The following SULF2 variants were observed in gnomAD, a reference collection of about 807,000 sequenced individuals.
SULF2 encodes extracellular sulfatase Sulf-2.
Under a neutral mutation model 107.7 loss-of-function variants are expected in SULF2, and 52 were observed. The ratio of observed to expected loss-of-function variants is 0.48; its 90% CI spans 0.39 to 0.61. The LOEUF (loss-of-function observed/expected upper bound fraction) is 0.61, where lower values mean the gene tolerates loss of function less well. Among genes scored for constraint, SULF2 ranks in the 20% least tolerant of loss-of-function variants. The pLI is 0.00. For missense variants in SULF2, 993 were observed against 1,177.3 expected, an observed-to-expected ratio of 0.84 and a Z score of 2.29; for synonymous variants, 460 against 464.3, an observed-to-expected ratio of 0.99 and a Z score of 0.12.
At chr20:47,771,751 A>G (rs1231310095) in intron 1 of SULF2, among the ~76,000 whole-genome samples, 1 of 152,116 alleles carries the variant, frequency 6.6e-6, no homozygotes, top group East Asian at 1.9e-4. Context: ...CAGGCTTCAA[A>G]TGGGGGTGCT....
rs756036273 is a variant in SULF2, at chr20:47,684,421, G to A, written c.888+10C>T. The A allele has an allele frequency of 8.1e-6, 13 of 1,602,964 alleles. No individual in the cohort carries two copies. Among genetic ancestry groups the A allele is most frequent in the Middle Eastern group, 1.7e-4 (1 of 5,982 alleles). On this transcript the variant is annotated intron_variant, in intron 6 of 20. Transcript: ENST00000688720. ...CCACGCCCACCAAGAGGCATGCAGC[G>A]GGCGCCTACCGTCTCCATGGAGTCG...
chr20:47,731,210 T>TTTTTTTTTTTTTTTTTTTTTTTTG (rs1491437167), intron 3 of SULF2, among the ~76,000 whole-genome samples: 2 of 135,712 alleles, frequency 1.5e-5, no homozygotes, highest in African/African-American at 6.2e-5. Flanking sequence ...TTTTTTTTTT[T>TTTTTTTTTTTTTTTTTTTTTTTTG]GAGACAGAGT....
At chr20:47,717,392 C>T (rs1173719182) in intron 3 of SULF2, among the ~76,000 whole-genome samples, 1 of 152,176 alleles carries the variant, frequency 6.6e-6, no homozygotes, top group Non-Finnish European at 1.5e-5. Context: ...CTCCACCTGC[C>T]TTTTGGTGAC....
chr20:47,782,775 CAT>C (rs200486283), intron 1 of SULF2, among the ~76,000 whole-genome samples: 1,772 of 152,286 alleles, frequency 0.012, 44 homozygotes, highest in African/African-American at 0.04. Flanking sequence ...CAGGCAGACA[CAT>C]GTTTTCCTTG....
intron 5 of SULF2, chr20:47,686,213 C>T (rs895965631): frequency 2.0e-5 from 3 of 152,248 alleles, no homozygotes; most frequent in African/African-American, 4.8e-5. Context: ...TCACTCACTC[C>T]GTGAGACAGC....
chr20:47,749,734 G>A (rs1797589627), intron 2 of SULF2, among the ~76,000 whole-genome samples: 1 of 152,222 alleles, frequency 6.6e-6, no homozygotes, highest in African/African-American at 2.4e-5. Context: ...TCAAAAGCCT[G>A]CCTCTCCCAC....
chr20:47,667,868 G>T (rs1275340281), intron 11 of SULF2, among the ~76,000 whole-genome samples: 1 of 152,176 alleles, frequency 6.6e-6, no homozygotes, highest in Non-Finnish European at 1.5e-5. Flanking sequence ...TTCTCACGTG[G>T]CCCGGGTGCC....
intron 10 of SULF2, among the ~76,000 whole-genome samples, chr20:47,675,152 G>A (rs1235778573): frequency 1.3e-5 from 2 of 152,166 alleles, no homozygotes; most frequent in South Asian, 2.1e-4. Flanking sequence ...ACTTGACAAC[G>A]TTCCCTCGTC....
chr20:47,673,301 AG>A (rs1664324681), intron 10 of SULF2, among the ~76,000 whole-genome samples: 1 of 152,182 alleles, frequency 6.6e-6, no homozygotes, highest in Non-Finnish European at 1.5e-5. Context: ...TCCAGCACTT[AG>A]CATGTGCCAA....
At chr20:47,674,013 G>A (rs1051249034) in intron 10 of SULF2, among the ~76,000 whole-genome samples, 10 of 152,226 alleles carry the variant, frequency 6.6e-5, no homozygotes. Context: ...TGAGGGGTCG[G>A]CAAACAGCAG....
chr20:47,741,375 C>T (rs769242542), intron 2 of SULF2, among the ~76,000 whole-genome samples: 3 of 152,082 alleles, frequency 2.0e-5, no homozygotes, highest in East Asian at 1.9e-4. Flanking sequence ...ACCTCTCCCC[C>T]GGAGCCCCGC....
In SULF2 at chr20:47,666,452, C is replaced by G. The variant is rs772061980; in HGVS notation, c.1613G>C (p.Arg538Pro). 2 of 1,613,614 alleles carry G rather than the reference C, an allele frequency of 1.2e-6. No homozygotes were observed. Among genetic ancestry groups the G allele is most frequent in the East Asian group, 4.5e-5 (2 of 44,878 alleles). Residue 538 changes from arginine (R) to proline (P), a missense_variant, in exon 12 of 21, where the codon CGC becomes CCC. By Grantham distance (103) the Arg-to-Pro change is moderately radical. Transcript: ENST00000688720. The surrounding 1 kb of genome is among the most constrained non-coding windows in gnomAD (Gnocchi z 5.4). ...GCCGTCCACCTCGATGGCCACTGAGCGGATGGAGCGACTGCGGACATAGCT... is the reference window on the plus strand; with the variant it reads ...GCCGTCCACCTCGATGGCCACTGAGGGGATGGAGCGACTGCGGACATAGCT... ...KASYVRSRSI[R>P]SVAIEVDGRV... is the part of the protein sequence containing the mutation.
At chr20:47,777,152 TATAAAAC>T (rs1194094700) in intron 1 of SULF2, among the ~76,000 whole-genome samples, 1 of 152,152 alleles carries the variant, frequency 6.6e-6, no homozygotes, top group Non-Finnish European at 1.5e-5. Flanking sequence ...TGATAAGTGT[TATAAAAC>T]ATAAAACAGG....
intron 1 of SULF2, among the ~76,000 whole-genome samples, chr20:47,772,625 T>A (rs1213233411): frequency 6.6e-6 from 1 of 152,042 alleles, no homozygotes; most frequent in African/African-American, 2.4e-5. Flanking sequence ...GGTTTTTACG[T>A]TGGAAATGGC....
rs566181606 is a variant in SULF2, at chr20:47,752,876, G to A, written c.175+4313C>T. ...CAGCATTTTGGGAGGCCGAGGCGGC[G>A]GACTGCTTGAGGTCAGGAGTTCGAG... On this transcript the variant is annotated intron_variant, in intron 2 of 20. Transcript: ENST00000688720. Among the ~76,000 whole-genome samples the A allele has an allele frequency of 6.6e-5, 10 of 152,184 alleles. No homozygotes were observed. In the East Asian group the frequency reaches 1.4e-3, roughly 21 times the overall value.
chr20:47,740,572 C>T (rs895641443), intron 2 of SULF2, among the ~76,000 whole-genome samples: 4 of 152,090 alleles, frequency 2.6e-5, no homozygotes, highest in African/African-American at 7.2e-5. Flanking sequence ...AGATTAATTG[C>T]GTGGCTTGGT....
At chr20:47,719,652 G>C (rs899881965) in intron 3 of SULF2, among the ~76,000 whole-genome samples, 1 of 152,200 alleles carries the variant, frequency 6.6e-6, no homozygotes, top group African/African-American at 2.4e-5. Context: ...AATCCTGGGG[G>C]TATCTGTGGC....
chr20:47,720,162 C>T (rs1164673795), intron 3 of SULF2, among the ~76,000 whole-genome samples: 1 of 152,074 alleles, frequency 6.6e-6, no homozygotes, highest in East Asian at 1.9e-4. Flanking sequence ...ACGGTGTTAG[C>T]CAGGATGGTC....
intron 2 of SULF2, 46 bp from the exon 3 acceptor site, chr20:47,736,988 C>T (rs763888683): frequency 1.2e-5 from 20 of 1,607,924 alleles, no homozygotes; most frequent in South Asian, 2.2e-5. Context: ...GAGACCCGGG[C>T]GGCACCGGCA....
Sources: allele counts gnomAD v4.1 joint callset (sites outside exome capture counted in the v4.1 genomes callset), GRCh38; gene constraint gnomAD v4.1.1; non-coding constraint Gnocchi (gnomAD v3.1); transcripts MANE v1.5; gene names NCBI Gene and HGNC (gene_info 2026-07-23, HGNC 2026-07-21).